OSBPL1A: variants seen among roughly 807,000 people sequenced by gnomAD.
The protein encoded by OSBPL1A is oxysterol-binding protein-related protein 1.
In OSBPL1A, 80 loss-of-function variants were observed where a neutral mutation model predicts 137.1. The ratio of observed to expected loss-of-function variants is 0.58; its 90% CI spans 0.49 to 0.70. The LOEUF (loss-of-function observed/expected upper bound fraction) is 0.70. OSBPL1A is among the 30% of genes least tolerant of loss of function. OSBPL1A has a pLI of 0.00. For synonymous variants in OSBPL1A, 365 were observed against 389.7 expected, an observed-to-expected ratio of 0.94 and a Z score of 0.75; for missense variants, 970 against 1,129.4, an observed-to-expected ratio of 0.86 and a Z score of 2.02.
At chr18:24,292,886 A>C (rs1268943020) in intron 14 of OSBPL1A, among the ~76,000 whole-genome samples, 1 of 152,012 alleles carries the variant, frequency 6.6e-6, no homozygotes, top group East Asian at 1.9e-4. Flanking sequence ...TGGGTGGATC[A>C]CTTGAGGTCA....
intron 17 of OSBPL1A, among the ~76,000 whole-genome samples, chr18:24,197,709 T>C (rs1300682738): frequency 6.6e-6 from 1 of 152,128 alleles, no homozygotes; most frequent in African/African-American, 2.4e-5. Flanking sequence ...CCTGCCATTA[T>C]CTATGCTTTG....
At chr18:24,264,254 G>GA (rs371588904) in intron 15 of OSBPL1A, among the ~76,000 whole-genome samples, 1,503 of 147,178 alleles carry the variant, frequency 0.01, 31 homozygotes, top group African/African-American at 0.034. Context: ...TGTCCACCAG[G>GA]AAAAAAAAAA....
In OSBPL1A at chr18:24,229,912, G is replaced by A. The variant is rs570684499; in HGVS notation, c.1445-4714C>T. ...ACTATAAGCGCGCGCCACCATGCCC[G>A]GCTAATTTTTGTATTTTTAGTAGTG... is the stretch of plus-strand genomic sequence containing the variant. On this transcript the variant is annotated intron_variant, in intron 16 of 27. Transcript: ENST00000319481. 1.1e-4 allele frequency among the ~76,000 whole-genome samples: 17 copies of A among 152,018 alleles called. No homozygotes were observed. The South Asian group carries it at 2.3e-3, about 20-fold the overall frequency.
intron 7 of OSBPL1A, among the ~76,000 whole-genome samples, chr18:24,324,748 C>A (rs191863977): frequency 1.6e-3 from 245 of 148,520 alleles, no homozygotes; most frequent in African/African-American, 5.8e-3. Context: ...CACACCACTG[C>A]ACTCCATCCT....
intron 4 of OSBPL1A, among the ~76,000 whole-genome samples, chr18:24,344,777 GA>G (rs1230711205): frequency 2.0e-5 from 3 of 151,926 alleles, no homozygotes; most frequent in Non-Finnish European, 4.4e-5. Flanking sequence ...TGTTGAGGGG[GA>G]AAGTTTCAAA....
rs184850775 is a variant in OSBPL1A at position 24,311,101 on chromosome 18, G to C, written c.1092+883C>G. Among the ~76,000 whole-genome samples, 5 of 151,966 alleles carry C rather than the reference G, an allele frequency of 3.3e-5. No homozygotes were observed. In the East Asian group the frequency reaches 9.7e-4, roughly 29 times the overall value. On this transcript the variant is annotated intron_variant, in intron 13 of 27. Transcript: ENST00000319481. ...CATGGGAGAGTTCAAATTCTTTAATGTTCCATCATAAATTAAGATTAGGGA... is the reference window on the plus strand; with the variant it reads ...CATGGGAGAGTTCAAATTCTTTAATCTTCCATCATAAATTAAGATTAGGGA...
rs57696740 is a variant in OSBPL1A, at chr18:24,266,335, A to G, written c.1281+14507T>C. Among the ~76,000 whole-genome samples the G allele has an allele frequency of 9.6e-3, 1,457 of 152,320 alleles. 31 individuals carry two copies. Among genetic ancestry groups the G allele is most frequent in the African/African-American group, 0.033 (1,354 of 41,560 alleles). On this transcript the variant is annotated intron_variant, in intron 15 of 27. Coordinates refer to ENST00000319481, the MANE Select transcript of OSBPL1A (RefSeq NM_080597.4). Reference sequence around the variant, plus strand: ...TTTGAGCATCTAAAGAAAACCAGACACAGGTTATCCTGGCTTGTTCCTCTT... The same window carrying G: ...TTTGAGCATCTAAAGAAAACCAGACGCAGGTTATCCTGGCTTGTTCCTCTT...
intron 16 of OSBPL1A, among the ~76,000 whole-genome samples, chr18:24,229,430 T>C (rs557698524): frequency 2.2e-4 from 34 of 152,314 alleles, no homozygotes; most frequent in African/African-American, 8.2e-4. Flanking sequence ...GTGCAATGAA[T>C]AGAGAGATGT....
chr18:24,390,861 A>G (rs1164297198), intron 1 of OSBPL1A, among the ~76,000 whole-genome samples: 1 of 151,112 alleles, frequency 6.6e-6, no homozygotes, highest in East Asian at 2.0e-4. Context: ...GCACTTTGGG[A>G]AGTTGAGGTG....
intron 17 of OSBPL1A, among the ~76,000 whole-genome samples, chr18:24,209,852 G>A (rs962779645): frequency 2.0e-5 from 3 of 152,184 alleles, no homozygotes; most frequent in Admixed American, 1.3e-4. Flanking sequence ...CAGAGCAGTG[G>A]CTGTCTACGG....
At chr18:24,174,886 C>A (rs1162485006) in intron 21 of OSBPL1A, among the ~76,000 whole-genome samples, 1 of 151,598 alleles carries the variant, frequency 6.6e-6, no homozygotes, top group Admixed American at 6.6e-5. Flanking sequence ...GACCCTCCTG[C>A]CTTAGCTTCC....
intron 16 of OSBPL1A, among the ~76,000 whole-genome samples, chr18:24,225,984 T>C (rs2088063721): frequency 6.6e-6 from 1 of 152,068 alleles, no homozygotes; most frequent in Non-Finnish European, 1.5e-5. Flanking sequence ...CAAAAATAAA[T>C]AAAATACTTT....
At chr18:24,393,992 G>C (rs1237635728) in intron 1 of OSBPL1A, among the ~76,000 whole-genome samples, 1 of 151,890 alleles carries the variant, frequency 6.6e-6, no homozygotes, top group Non-Finnish European at 1.5e-5. Flanking sequence ...TAAGTTATAA[G>C]ACAAAATTTT....
intron 13 of OSBPL1A, among the ~76,000 whole-genome samples, chr18:24,305,163 C>T (rs2090476481): frequency 6.6e-6 from 1 of 152,262 alleles, no homozygotes; most frequent in Non-Finnish European, 1.5e-5. Flanking sequence ...AAGCTAGAGG[C>T]ATAAAAGTAA....
intron 13 of OSBPL1A, 96 bp from the exon 14 acceptor site, chr18:24,303,814 T>TAC: frequency 1.0e-6 from 1 of 973,028 alleles, no homozygotes; most frequent in Non-Finnish European, 1.6e-6. Context: ...AGTACATAGA[T>TAC]TGATATACCA....
intron 15 of OSBPL1A, among the ~76,000 whole-genome samples, chr18:24,274,214 A>T (rs2089791493): frequency 6.9e-6 from 1 of 145,104 alleles, no homozygotes; most frequent in Admixed American, 6.8e-5. Context: ...AGCCTGGGCA[A>T]CAGAGCGAGA....
chr18:24,288,892 T>C (rs980289488), intron 14 of OSBPL1A, among the ~76,000 whole-genome samples: 4 of 151,778 alleles, frequency 2.6e-5, no homozygotes, highest in African/African-American at 9.7e-5. Context: ...CAAAGTAAAG[T>C]GATATTAAGA....
chr18:24,246,684 G>A (rs1434282861), intron 15 of OSBPL1A, among the ~76,000 whole-genome samples: 7 of 151,850 alleles, frequency 4.6e-5, no homozygotes, highest in Non-Finnish European at 7.4e-5. Context: ...CCAGCTAGTC[G>A]GGAGGCTGAG....
rs116500739 is a variant in OSBPL1A, at chr18:24,375,475, T to C, written c.121+1938A>G. ...ACATTTGATGCAAGGTTGTGATGTA[T>C]TGGCCACTTTGCTACACATGGCATA... On this transcript the variant is annotated intron_variant, in intron 2 of 27. Transcript: ENST00000319481. Among the ~76,000 whole-genome samples, 1,195 of 152,322 alleles carry C rather than the reference T, an allele frequency of 7.8e-3. 17 individuals carry two copies. The highest frequency in any genetic ancestry group is 0.027 in the African/African-American group (1,132 of 41,564).
Sources: allele counts gnomAD v4.1 joint callset (sites outside exome capture counted in the v4.1 genomes callset), GRCh38; gene constraint gnomAD v4.1.1; transcripts MANE v1.5; gene names NCBI Gene and HGNC (gene_info 2026-07-23, HGNC 2026-07-21).